The following C2 variants were observed in gnomAD, a reference collection of about 807,000 sequenced individuals.
C2 encodes the protein complement C2.
In C2, 64 loss-of-function variants were observed where a neutral mutation model predicts 85.2. That is an observed-to-expected ratio of 0.75 (90% confidence interval 0.61 to 0.92). The LOEUF is 0.92. C2 is among the 40% of genes least tolerant of loss of function. C2 has a pLI of 0.00. For synonymous variants in C2, 311 were observed against 370.8 expected, an observed-to-expected ratio of 0.84 and a Z score of 1.85; for missense variants, 820 against 971.6, an observed-to-expected ratio of 0.84 and a Z score of 2.07.
intron 8 of C2, among the ~76,000 whole-genome samples, chr6:31,938,574 C>T (rs951211496): frequency 4.6e-5 from 7 of 151,572 alleles, no homozygotes; most frequent in African/African-American, 1.2e-4. Context: ...TCACTGCAAC[C>T]TCTGCCTCCC....
intron 1 of C2, among the ~76,000 whole-genome samples, chr6:31,909,594 C>T (rs898127438): frequency 3.3e-5 from 5 of 151,756 alleles, no homozygotes; most frequent in African/African-American, 9.7e-5. Context: ...TTTGCTCCCC[C>T]GCCCACCTCT....
chr6:31,917,880 T>C (rs895398658), upstream of C2, among the ~76,000 whole-genome samples: 11 of 152,036 alleles, frequency 7.2e-5, no homozygotes, highest in Non-Finnish European at 1.5e-4. Flanking sequence ...CACTCCAGCC[T>C]GGGTGACACA....
At position 31,928,870 on chromosome 6, in the gene C2, G is replaced by A. The variant is rs776635794; in HGVS notation, c.395G>A (p.Arg132His). 9.9e-6 allele frequency: 16 copies of A among 1,614,024 alleles called. No homozygotes were observed. Among genetic ancestry groups the A allele is most frequent in the African/African-American group, 2.7e-5 (2 of 74,926 alleles). ...ILRGSPVRQC[R>H]PNGMWDGETA... ...CGGGGCTCGCCTGTGCGTCAGTGTC[G>A]CCCCAACGGCATGTGGGATGGAGAA... Residue 132 changes from arginine to histidine, a missense_variant, in exon 3 of 18, where the codon CGC becomes CAC. Arg to His is a conservative substitution (Grantham distance 29). Transcript: ENST00000299367.
upstream of C2, among the ~76,000 whole-genome samples, chr6:31,925,827 AC>A (rs1407122224): frequency 6.6e-6 from 1 of 151,682 alleles, no homozygotes; most frequent in African/African-American, 2.4e-5. Context: ...ATCCTTAAAT[AC>A]CCCCCACCTT....
At chr6:31,915,276 T>C (rs916878714), upstream of C2, among the ~76,000 whole-genome samples, 1 of 152,214 alleles carries the variant, frequency 6.6e-6, no homozygotes, top group Non-Finnish European at 1.5e-5. Flanking sequence ...TCTAGTGTCA[T>C]TGTGGCCTTC....
chr6:31,917,766 C>T (rs1355178668), upstream of C2, among the ~76,000 whole-genome samples: 3 of 151,892 alleles, frequency 2.0e-5, no homozygotes, highest in East Asian at 3.9e-4. Flanking sequence ...ATTAGCTGGG[C>T]GTGGTGTCAG....
In C2 at chr6:31,943,726, G is replaced by T; in HGVS notation, c.1650G>T (p.Lys550Asn). The stretch of plus-strand genomic sequence containing the variant: ...CAGGGTTTGATGTCTTTGCCAAAAA[G>T]AACCAGGGAATCCTGGAGTTCTATG... ...ISPGFDVFAK[K>N]NQGILEFYGD... is the part of the protein sequence containing the mutation. The change falls in exon 13 of 18, where the codon AAG (lysine) becomes AAT (asparagine). Residue 550 changes from lysine to asparagine, a missense_variant. Transcript: ENST00000299367. The surrounding 1 kb of genome is among the most constrained non-coding windows in gnomAD (Gnocchi z 6.4). 1 of 1,613,060 alleles carries T rather than the reference G, an allele frequency of 6.2e-7. No individual in the cohort carries two copies. Among genetic ancestry groups the T allele is most frequent in the Non-Finnish European group, 8.5e-7 (1 of 1,179,992 alleles).
Position 31,936,142 on chromosome 6 carries a change from TA to T in C2, c.988+86del, listed in dbSNP as rs949430602. 4.6e-6 allele frequency: 7 copies of T among 1,509,178 alleles called. No homozygotes were observed. In the African/African-American group the frequency reaches 5.5e-5, roughly 12 times the overall value. 93.5% of individuals were successfully genotyped at this position (1,509,178 alleles called of 1,614,324 possible). On this transcript the variant is annotated intron_variant, in intron 7 of 17. Transcript: ENST00000299367. ...GCCTGCAAACAAATTCTGGATGAGT[TA>T]AAAAGAGAGTGAGGCCTCTTGGTGG...
At chr6:31,914,884 G>T (rs1380526956) in intron 1 of C2, among the ~76,000 whole-genome samples, 2 of 152,146 alleles carry the variant, frequency 1.3e-5, no homozygotes, top group East Asian at 3.9e-4. Context: ...CTGCACTCCA[G>T]CCTGGGCGAC....
chr6:31,941,253 G>A (rs1351340115), intron 9 of C2: 1 of 152,234 alleles, frequency 6.6e-6, no homozygotes, highest in Non-Finnish European at 1.5e-5. Flanking sequence ...GAGGTTAGAA[G>A]TCTGAAATCA....
chr6:31,929,379 G>A (rs1435300514), intron 3 of C2, among the ~76,000 whole-genome samples: 3 of 152,176 alleles, frequency 2.0e-5, no homozygotes, highest in African/African-American at 7.2e-5. Context: ...GATAGTGAGT[G>A]CTGACCTGAG....
intron 1 of C2, among the ~76,000 whole-genome samples, chr6:31,902,684 T>G (rs1767441792): frequency 6.6e-6 from 1 of 152,196 alleles, no homozygotes; most frequent in Non-Finnish European, 1.5e-5. Flanking sequence ...TGATTTCACT[T>G]TCCACAAAGC....
intron 6 of C2, chr6:31,934,730 C>G (rs1037070190): frequency 1.8e-6 from 2 of 1,122,960 alleles, no homozygotes; most frequent in African/African-American, 3.3e-5. Context: ...GTGTGATAGA[C>G]TGGGCATGGT....
In C2 at chr6:31,934,167, A is replaced by G. The variant is rs779462972; in HGVS notation, c.717A>G (p.Glu239=). The G allele has an allele frequency of 1.2e-6, 2 of 1,614,186 alleles. No individual in the cohort carries two copies. Among genetic ancestry groups the G allele is most frequent in the Non-Finnish European group, 1.7e-6 (2 of 1,180,030 alleles). The change falls in exon 6 of 18, where the codon GAA becomes GAG. Residue 239 remains glutamate (E), a splice_region_variant and synonymous_variant. Transcript: ENST00000299367. ...TCCTCCCCTTCCACATTTCTCCAGAAAGCCTGGGCCGTAAAATCCAAATCC... is the reference window on the plus strand; with the variant it reads ...TCCTCCCCTTCCACATTTCTCCAGAGAGCCTGGGCCGTAAAATCCAAATCC... The part of the protein sequence containing the change: ...GATNPTQKTK[E]SLGRKIQIQR...
upstream of C2, among the ~76,000 whole-genome samples, chr6:31,917,085 C>T (rs768820969): frequency 3.0e-4 from 44 of 147,522 alleles, no homozygotes; most frequent in Non-Finnish European, 5.4e-4. Context: ...GCAGGAGAAT[C>T]GCTTGAACCC....
intron 9 of C2, chr6:31,941,192 C>T (rs1020317427): frequency 6.6e-6 from 1 of 152,224 alleles, no homozygotes; most frequent in Non-Finnish European, 1.5e-5. Flanking sequence ...TACCAAACTA[C>T]CACAAACCTG....
chr6:31,937,134 G>A, intron 7 of C2, 185 bp from the exon 8 acceptor site: 1 of 605,170 alleles, frequency 1.7e-6, no homozygotes, highest in Non-Finnish European at 2.9e-6. Flanking sequence ...ACTTGAACTG[G>A]GGAGGTGGAG....
At chr6:31,906,734 G>A (rs1767736685) in intron 1 of C2, among the ~76,000 whole-genome samples, 1 of 151,640 alleles carries the variant, frequency 6.6e-6, no homozygotes, top group African/African-American at 2.4e-5. Flanking sequence ...CTGTGTCCCT[G>A]CAAATGACCT....
In C2 at chr6:31,944,661, G is replaced by A. The variant is rs747081268; in HGVS notation, c.1903-66G>A. Reference sequence around the variant, plus strand: ...CTCCCAAAGTGCTGAGATTACAGGCGTGAGCCACTGCACCCACCCGGGTCT... The same window carrying A: ...CTCCCAAAGTGCTGAGATTACAGGCATGAGCCACTGCACCCACCCGGGTCT... On this transcript the variant is annotated intron_variant, in intron 15 of 17. Coordinates refer to ENST00000299367, the MANE Select transcript of C2 (RefSeq NM_000063.6). This position sits in a 1 kb window ranked among gnomAD's most constrained non-coding sequence, Gnocchi z 5.1. 54 of 1,585,954 alleles carry A rather than the reference G, an allele frequency of 3.4e-5. No individual in the cohort carries two copies. Among genetic ancestry groups the A allele is most frequent in the South Asian group, 4.4e-5 (4 of 90,524 alleles).
Sources: allele counts gnomAD v4.1 joint callset (sites outside exome capture counted in the v4.1 genomes callset), GRCh38; gene constraint gnomAD v4.1.1; non-coding constraint Gnocchi (gnomAD v3.1); transcripts MANE v1.5; gene names NCBI Gene and HGNC (gene_info 2026-07-23, HGNC 2026-07-21).